The following PDHX variants were observed in gnomAD, a reference collection of about 807,000 sequenced individuals.
PDHX encodes the protein pyruvate dehydrogenase complex component X.
A neutral mutation model predicts 55.3 loss-of-function variants in PDHX; 33 were observed. The observed-to-expected ratio is 0.60, with a 90% CI of 0.45 to 0.80. The LOEUF is 0.80. PDHX is among the 30% of genes least tolerant of loss of function. PDHX has a pLI of 0.00. For missense variants in PDHX, 622 were observed against 619.9 expected, an observed-to-expected ratio of 1.00 and a Z score of -0.04; for synonymous variants, 226 against 219.4, an observed-to-expected ratio of 1.03 and a Z score of -0.27.
At chr11:34,926,106 C>A (rs957942344) in intron 1 of PDHX, among the ~76,000 whole-genome samples, 2 of 152,134 alleles carry the variant, frequency 1.3e-5, no homozygotes, top group Non-Finnish European at 2.9e-5. Context: ...ATTTTTACTC[C>A]AGTACCACAC....
At position 34,966,674 on chromosome 11, in the gene PDHX, G is replaced by A. The variant is rs112573215; in HGVS notation, c.676G>A (p.Gly226Ser). 2 of 1,613,886 alleles carry A rather than the reference G, an allele frequency of 1.2e-6. No individual in the cohort carries two copies. The highest frequency in any genetic ancestry group is 1.3e-5 in the African/African-American group (1 of 74,922). ...CAAACTTGTCCAGTTGAAACAAACGGGCAAGATTACCGAGTCCAGACCAAC... is the reference window on the plus strand; with the variant it reads ...CAAACTTGTCCAGTTGAAACAAACGAGCAAGATTACCGAGTCCAGACCAAC... ...ALKLVQLKQT[G>S]KITESRPTPA... The change falls in exon 6 of 11, where the codon GGC (glycine) becomes AGC (serine). Residue 226 changes from glycine to serine, a missense_variant. By Grantham distance (56) the Gly-to-Ser change is moderately conservative. Coordinates refer to ENST00000227868, the MANE Select transcript of PDHX (RefSeq NM_003477.3).
At chr11:34,968,329 G>C (rs1855180320) in intron 6 of PDHX, among the ~76,000 whole-genome samples, 1 of 151,420 alleles carries the variant, frequency 6.6e-6, no homozygotes. Context: ...ATGGTATGTA[G>C]AGAGCATTTA....
intron 1 of PDHX, among the ~76,000 whole-genome samples, chr11:34,922,859 TATC>T (rs903850898): frequency 1.5e-5 from 2 of 130,326 alleles, no homozygotes; most frequent in Non-Finnish European, 3.2e-5. Flanking sequence ...ATTCCCAAAG[TATC>T]GTTGTGTGTG....
intron 7 of PDHX, among the ~76,000 whole-genome samples, chr11:34,973,800 G>A (rs1190322983): frequency 6.6e-6 from 1 of 152,008 alleles, no homozygotes; most frequent in East Asian, 1.9e-4. Context: ...CTCTTTTGGA[G>A]TTTTAAAATG....
At chr11:34,947,411 AT>A (rs1854646826) in intron 2 of PDHX, 94 bp from the exon 3 acceptor site, 1 of 824,042 alleles carries the variant, frequency 1.2e-6, no homozygotes, top group Admixed American at 2.0e-5. Context: ...GCTACGGAAT[AT>A]TTTGGTATTT....
intron 3 of PDHX, among the ~76,000 whole-genome samples, chr11:34,948,507 C>A (rs191367814): frequency 1.3e-4 from 20 of 151,812 alleles, no homozygotes; most frequent in Admixed American, 3.3e-4. Flanking sequence ...GAATGCTATA[C>A]TCTAACTAGG....
chr11:34,979,723 G>A (rs1037414168), intron 8 of PDHX, among the ~76,000 whole-genome samples: 1 of 151,878 alleles, frequency 6.6e-6, no homozygotes, highest in Non-Finnish European at 1.5e-5. Context: ...AATCATTTTT[G>A]CACTCCTTAA....
In PDHX at chr11:34,916,618, A is replaced by G; in HGVS notation, c.-38A>G. 2.5e-6 allele frequency: 4 copies of G among 1,601,000 alleles called. No homozygotes were observed. The highest frequency in any genetic ancestry group is 2.5e-6 in the Non-Finnish European group (3 of 1,179,418). ...AGGCGGGGCCTTGATGCTGGACATC[A>G]GGCTGTGCTGCGGGCAGCCAGTGAG... On this transcript the variant is annotated 5_prime_UTR_variant, in exon 1 of 11. Coordinates refer to ENST00000227868, the MANE Select transcript of PDHX (RefSeq NM_003477.3).
intron 7 of PDHX, among the ~76,000 whole-genome samples, chr11:34,973,434 A>G (rs1036384213): frequency 6.6e-6 from 1 of 152,092 alleles, no homozygotes; most frequent in African/African-American, 2.4e-5. Flanking sequence ...ATTTAAATCT[A>G]CCATTTTGTT....
chr11:34,916,356 G>T (rs767425029), upstream of PDHX: 1 of 1,577,562 alleles, frequency 6.3e-7, no homozygotes, highest in Non-Finnish European at 8.6e-7. Context: ...CCTGGGATAC[G>T]GCAGCGAGGC....
intron 10 of PDHX, among the ~76,000 whole-genome samples, chr11:34,992,736 A>C (rs1351433461): frequency 6.6e-6 from 1 of 152,152 alleles, no homozygotes; most frequent in African/African-American, 2.4e-5. Flanking sequence ...TCTATTGTAT[A>C]AATATACCAG....
In PDHX at chr11:34,947,581, A is replaced by G. The variant is rs146456454; in HGVS notation, c.317A>G (p.Asp106Gly). The G allele has an allele frequency of 6.0e-5, 96 of 1,612,076 alleles. No individual in the cohort carries two copies. Among genetic ancestry groups the G allele is most frequent in the East Asian group, 1.1e-4 (5 of 44,810 alleles). The stretch of plus-strand genomic sequence containing the variant: ...GCTGTGGTTACCTTAGATGCAAGTG[A>G]TGATGGAATCTTGGCCAAAATCGTG... ...DKAVVTLDAS[D>G]DGILAKIVVE... The change falls in exon 3 of 11, where the codon GAT (aspartate) becomes GGT (glycine). Residue 106 changes from aspartate (D) to glycine (G), a missense_variant. Physicochemically the swap from Asp to Gly is moderately conservative, Grantham distance 94. Transcript: ENST00000227868.
intron 2 of PDHX, among the ~76,000 whole-genome samples, chr11:34,946,249 A>G (rs371746817): frequency 6.5e-4 from 98 of 151,248 alleles, no homozygotes; most frequent in African/African-American, 2.3e-3. Context: ...CATTTTTAAG[A>G]TTTCTAATTC....
chr11:34,977,903 C>T lies in PDHX; in HGVS notation c.965-221C>T, dbSNP rs564834872. The T allele has an allele frequency of 2.6e-5, 15 of 581,046 alleles. 1 individual carries two copies. Among genetic ancestry groups the T allele is most frequent in the South Asian group, 2.1e-4 (13 of 63,320 alleles). The allele number at this position is 581,046 out of a possible 1,614,324, so 36.0% of individuals were successfully genotyped here. On this transcript the variant is annotated intron_variant, in intron 7 of 10. Coordinates refer to ENST00000227868, the MANE Select transcript of PDHX (RefSeq NM_003477.3). ...ATTTAAAAAATTGATAACCAAGGCC[C>T]AGAAGTAAACTTACATTCATGGTTA...
chr11:34,978,633 T>C (rs1359790134), intron 8 of PDHX, among the ~76,000 whole-genome samples: 1 of 151,136 alleles, frequency 6.6e-6, no homozygotes, highest in African/African-American at 2.4e-5. Context: ...ACAGAGGGAG[T>C]GAGCCACATA....
chr11:34,934,168 T>G (rs1854247588), intron 2 of PDHX, among the ~76,000 whole-genome samples: 1 of 152,170 alleles, frequency 6.6e-6, no homozygotes, highest in Admixed American at 6.5e-5. Flanking sequence ...TAAAATAGTA[T>G]AGCCAGTGAT....
intron 2 of PDHX, among the ~76,000 whole-genome samples, chr11:34,943,396 A>G (rs1374630359): frequency 6.6e-6 from 1 of 152,214 alleles, no homozygotes; most frequent in African/African-American, 2.4e-5. Flanking sequence ...TGATGAACAC[A>G]AATGATGATA....
At chr11:34,958,459 C>T (rs571703577) in intron 4 of PDHX, among the ~76,000 whole-genome samples, 39 of 152,180 alleles carry the variant, frequency 2.6e-4, no homozygotes, top group Admixed American at 2.0e-3. Context: ...TGCCACCATG[C>T]CTGGCTAATT....
chr11:34,935,219 G>C (rs992968894), intron 2 of PDHX, among the ~76,000 whole-genome samples: 2 of 151,900 alleles, frequency 1.3e-5, no homozygotes, highest in Non-Finnish European at 1.5e-5. Flanking sequence ...AGTGCTTTCA[G>C]GATATAATTT....
Sources: gnomAD v4.1 joint callset for allele counts (sites outside exome capture counted in the v4.1 genomes callset) on GRCh38, gnomAD v4.1.1 for gene constraint, MANE v1.5 for transcripts, NCBI Gene and HGNC (gene_info 2026-07-23, HGNC 2026-07-21) for gene names.